The following ERBB4 variants were observed in gnomAD, a reference collection of about 807,000 sequenced individuals.
ERBB4 encodes erb-b2 receptor tyrosine kinase 4.
ERBB4 carries 42 observed loss-of-function variants against 158.0 expected under a neutral mutation model. That is an observed-to-expected ratio of 0.27 (90% CI 0.21 to 0.34). The LOEUF (loss-of-function observed/expected upper bound fraction) is 0.34, where lower values mean the gene tolerates loss of function less well. Among genes scored for constraint, ERBB4 ranks in the 10% least tolerant of loss-of-function variants. ERBB4 has a pLI of 1.00. For synonymous variants in ERBB4, 583 were observed against 558.7 expected, an observed-to-expected ratio of 1.04 and a Z score of -0.61; for missense variants, 1,333 against 1,624.1, an observed-to-expected ratio of 0.82 and a Z score of 3.08.
rs907749934 is a variant in ERBB4, at chr2:212,066,457, G to A, written c.234+58295C>T. ...AATATTGGGCTAATTAGGCTTATCC[G>A]ATATGATGAATTCTAAAAGAAACAT... On this transcript the variant is annotated intron_variant, in intron 2 of 27. Transcript: ENST00000342788. Among the ~76,000 whole-genome samples, 12 of 152,064 alleles carry A rather than the reference G, an allele frequency of 7.9e-5. 1 individual carries two copies. Among genetic ancestry groups the A allele is most frequent in the Non-Finnish European group, 7.4e-5 (5 of 67,906 alleles).
chr2:211,795,395 A>T (rs998228820), intron 3 of ERBB4, among the ~76,000 whole-genome samples: 9 of 151,872 alleles, frequency 5.9e-5, no homozygotes, highest in African/African-American at 1.9e-4. Context: ...TTATAATTTT[A>T]AATTGCTAAT....
chr2:211,743,622 G>A (rs112577938), intron 5 of ERBB4, among the ~76,000 whole-genome samples: 1,569 of 152,178 alleles, frequency 0.01, 18 homozygotes, highest in Non-Finnish European at 0.017. Context: ...CATAGGTTAC[G>A]ACTCAGTTCT....
intron 2 of ERBB4, among the ~76,000 whole-genome samples, chr2:212,096,620 A>C (rs2078941383): frequency 6.6e-6 from 1 of 152,218 alleles, no homozygotes; most frequent in African/African-American, 2.4e-5. Context: ...TGCATTATCT[A>C]AAATATACTG....
intron 2 of ERBB4, among the ~76,000 whole-genome samples, chr2:212,020,360 T>G (rs1318621631): frequency 2.0e-5 from 3 of 152,236 alleles, no homozygotes; most frequent in Admixed American, 2.0e-4. Flanking sequence ...GAGTGATTTT[T>G]GGGGATTATC....
intron 2 of ERBB4, among the ~76,000 whole-genome samples, chr2:212,083,461 A>G (rs557314991): frequency 2.0e-5 from 3 of 152,150 alleles, no homozygotes; most frequent in African/African-American, 7.2e-5. Context: ...AAAATGGAAT[A>G]AATAACATGC....
At chr2:211,594,091 G>A (rs1381117426) in intron 19 of ERBB4, among the ~76,000 whole-genome samples, 1 of 151,916 alleles carries the variant, frequency 6.6e-6, no homozygotes, top group East Asian at 1.9e-4. Context: ...TTCCATCGAG[G>A]CATATCCTTC....
At chr2:212,446,592 T>TA (rs2092356491) in intron 1 of ERBB4, among the ~76,000 whole-genome samples, 2 of 7,474 alleles carry the variant, frequency 2.7e-4, no homozygotes, top group Non-Finnish European at 4.1e-4. Context: ...TATATATATG[T>TA]ATATATATAT....
intron 3 of ERBB4, among the ~76,000 whole-genome samples, chr2:211,858,369 A>C (rs138008883): frequency 5.7e-4 from 87 of 152,340 alleles, no homozygotes; most frequent in African/African-American, 1.9e-3. Flanking sequence ...TGTTTTTGAC[A>C]TATAAAAGTA....
At chr2:212,263,201 A>G (rs1263552588) in intron 1 of ERBB4, among the ~76,000 whole-genome samples, 1 of 152,118 alleles carries the variant, frequency 6.6e-6, no homozygotes, top group Non-Finnish European at 1.5e-5. Flanking sequence ...AACGTGTGAC[A>G]GGTTCTGCTT....
At chr2:211,804,100 T>A (rs903259590) in intron 3 of ERBB4, among the ~76,000 whole-genome samples, 1 of 152,226 alleles carries the variant, frequency 6.6e-6, no homozygotes, top group African/African-American at 2.4e-5. Flanking sequence ...GCTGAATATT[T>A]ACTTCCACGT....
intron 1 of ERBB4, among the ~76,000 whole-genome samples, chr2:212,243,527 A>T (rs1018090634): frequency 2.0e-5 from 3 of 152,228 alleles, no homozygotes; most frequent in Non-Finnish European, 4.4e-5. Context: ...GATATAAAGA[A>T]GTCCCCACAT....
At chr2:211,957,229 G>A (rs1364115897) in intron 2 of ERBB4, among the ~76,000 whole-genome samples, 1 of 152,034 alleles carries the variant, frequency 6.6e-6, no homozygotes, top group Non-Finnish European at 1.5e-5. Context: ...AGGCTAAATT[G>A]AGGTTATTAA....
chr2:212,062,396 A>ATTTTTTTTTTTTTT lies in ERBB4; in HGVS notation c.234+62355_234+62356insAAAAAAAAAAAAAA, dbSNP rs1559419685. On this transcript the variant is annotated intron_variant, in intron 2 of 27. Transcript: ENST00000342788. ...CTCCTACTACTCTTCTCACTTGTCA[A>ATTTTTTTTTTTTTT]TTCTTTTTTTTTTTTTTTTTTTTTT... 2.9e-4 allele frequency among the ~76,000 whole-genome samples: 28 copies of ATTTTTTTTTTTTTT among 96,530 alleles called. 1 individual carries two copies. Among genetic ancestry groups the ATTTTTTTTTTTTTT allele is most frequent in the Non-Finnish European group, 3.3e-4 (16 of 48,978 alleles). 63.3% of individuals were successfully genotyped at this position (96,530 alleles called of 152,430 possible).
chr2:212,248,977 A>T (rs1029812870), intron 1 of ERBB4, among the ~76,000 whole-genome samples: 3 of 152,078 alleles, frequency 2.0e-5, no homozygotes, highest in African/African-American at 7.2e-5. Flanking sequence ...CTATGCATAT[A>T]ATTTTGGGAG....
At chr2:212,374,616 AACACACACAC>A (rs368428864) in intron 1 of ERBB4, among the ~76,000 whole-genome samples, 2 of 151,084 alleles carry the variant, frequency 1.3e-5, no homozygotes, top group African/African-American at 4.9e-5. Flanking sequence ...TACAAATATA[AACACACACAC>A]ACACACATAT....
intron 20 of ERBB4, among the ~76,000 whole-genome samples, chr2:211,453,261 TA>T (rs1279715956): frequency 6.6e-6 from 1 of 152,210 alleles, no homozygotes; most frequent in Non-Finnish European, 1.5e-5. Context: ...TTCATGTCTT[TA>T]AAGTTTAAGT....
chr2:211,855,648 T>C (rs2077838414), intron 3 of ERBB4, among the ~76,000 whole-genome samples: 1 of 152,178 alleles, frequency 6.6e-6, no homozygotes, highest in Admixed American at 6.5e-5. Context: ...ATTATATTAC[T>C]TTGTCTATTT....
chr2:211,839,672 T>C (rs919259937), intron 3 of ERBB4, among the ~76,000 whole-genome samples: 3 of 152,134 alleles, frequency 2.0e-5, no homozygotes, highest in South Asian at 2.1e-4. Context: ...TGTAAATATA[T>C]GGTATTGGTA....
At chr2:211,770,100 G>A (rs555357797) in intron 4 of ERBB4, among the ~76,000 whole-genome samples, 66 of 152,258 alleles carry the variant, frequency 4.3e-4, no homozygotes, top group African/African-American at 1.6e-3. Context: ...TCCAGGCTTA[G>A]AAATTTTTGC....
Sources: gnomAD v4.1 joint callset for allele counts (sites outside exome capture counted in the v4.1 genomes callset) on GRCh38, gnomAD v4.1.1 for gene constraint, MANE v1.5 for transcripts, NCBI Gene and HGNC (gene_info 2026-07-23, HGNC 2026-07-21) for gene names.